STK31: variants seen among roughly 807,000 people sequenced by gnomAD.
The protein encoded by STK31 is serine/threonine-protein kinase 31.
Under a neutral mutation model 129.7 loss-of-function variants are expected in STK31, and 89 were observed. The ratio of observed to expected loss-of-function variants is 0.69; its 90% CI spans 0.58 to 0.82. The LOEUF (loss-of-function observed/expected upper bound fraction) is 0.82. Ranked by LOEUF, STK31 falls within the 40% of genes least tolerant of loss-of-function variation. The pLI is 0.00. For missense variants in STK31, 1,187 were observed against 1,176.4 expected (o/e 1.01, Z -0.13); for synonymous variants, 448 against 395.3 (o/e 1.13, Z -1.58).
chr7:23,765,495 T>G (rs1041849542), intron 11 of STK31, among the ~76,000 whole-genome samples: 1 of 151,964 alleles, frequency 6.6e-6, no homozygotes, highest in African/African-American at 2.4e-5. Flanking sequence ...ACTGTTTTAT[T>G]AAAACTTATT....
At chr7:23,825,573 A>C (rs907257395) in intron 23 of STK31, among the ~76,000 whole-genome samples, 1 of 152,008 alleles carries the variant, frequency 6.6e-6, no homozygotes, top group East Asian at 1.9e-4. Flanking sequence ...TGATTTTTTG[A>C]AGGGTTTTTT....
intron 23 of STK31, among the ~76,000 whole-genome samples, chr7:23,819,779 C>CTCTGCAGGTGG (rs70939859): frequency 0.74 from 111,636 of 151,600 alleles, 41,467 homozygotes; most frequent in African/African-American, 0.82. Flanking sequence ...ACTAAGGTGT[C>CTCTGCAGGTGG]AAATAATGGA....
intron 3 of STK31, among the ~76,000 whole-genome samples, chr7:23,714,939 C>T (rs1244645724): frequency 6.6e-6 from 1 of 152,166 alleles, no homozygotes; most frequent in East Asian, 1.9e-4. Flanking sequence ...ACTTTATTTA[C>T]TAAAACAGGC....
chr7:23,810,286 G>A (rs1046981874), intron 22 of STK31, among the ~76,000 whole-genome samples: 1 of 151,766 alleles, frequency 6.6e-6, no homozygotes, highest in African/African-American at 2.4e-5. Flanking sequence ...TACCTACATT[G>A]TTGAATTTGG....
intron 23 of STK31, among the ~76,000 whole-genome samples, chr7:23,824,149 C>T (rs1793964122): frequency 6.6e-6 from 1 of 152,148 alleles, no homozygotes; most frequent in African/African-American, 2.4e-5. Context: ...TCATTGGTAG[C>T]TCGATGGGGA....
In STK31 at chr7:23,729,233, T is replaced by C; in HGVS notation, c.467T>C (p.Val156Ala). The stretch of plus-strand genomic sequence containing the variant: ...CTACACATTCCTTCTGATCAAGAAG[T>C]TACCCAGTTTGATCAGGCAAGTCAC... ...WGLHIPSDQE[V>A]TQFDQGTTFL... is the part of the protein sequence containing the mutation. The change falls in exon 6 of 24, where the codon GTT becomes GCT. Residue 156 changes from valine to alanine, a missense_variant. This residue lies in a region of STK31 where 103 missense variants were observed against 110.4 expected (regional missense o/e 0.93). Coordinates refer to ENST00000355870, the MANE Select transcript of STK31 (RefSeq NM_031414.5). The C allele has an allele frequency of 5.6e-6, 9 of 1,599,842 alleles. No homozygotes were observed. The highest frequency in any genetic ancestry group is 7.7e-6 in the Non-Finnish European group (9 of 1,176,028).
intron 12 of STK31, 103 bp from the exon 13 acceptor site, chr7:23,769,537 C>T: frequency 2.7e-6 from 2 of 747,206 alleles, no homozygotes; most frequent in Non-Finnish European, 4.2e-6. Context: ...AGTTCTTTTA[C>T]ATTGCCCAGG....
chr7:23,751,388 A>AT (rs1470225524), intron 8 of STK31, among the ~76,000 whole-genome samples: 13 of 152,098 alleles, frequency 8.5e-5, no homozygotes, highest in Non-Finnish European at 1.9e-4. Flanking sequence ...ATATTTTGTT[A>AT]CTGATTTCTA....
rs1188278765 is a variant in STK31, at chr7:23,742,889, G to C, written c.1017+5811G>C. Among the ~76,000 whole-genome samples, 9 of 151,584 alleles carry C rather than the reference G, an allele frequency of 5.9e-5. No homozygotes were observed. In the East Asian group the frequency reaches 1.7e-3, roughly 29 times the overall value. On this transcript the variant is annotated intron_variant, in intron 8 of 23. Transcript: ENST00000355870. ...CATTGTGGTTTGGTGTGTTTCTGTA[G>C]TGGGAACATTTGATTCCTTTCTTGT...
chr7:23,714,262 T>C (rs1458244061), intron 3 of STK31, among the ~76,000 whole-genome samples: 1 of 152,248 alleles, frequency 6.6e-6, no homozygotes, highest in African/African-American at 2.4e-5. Context: ...GCATATTCTC[T>C]AAAGGTTGCT....
chr7:23,781,102 A>C lies in STK31; in HGVS notation c.1966-317A>C, dbSNP rs533937856. Among the ~76,000 whole-genome samples the C allele has an allele frequency of 3.9e-5, 6 of 152,338 alleles. No individual in the cohort carries two copies. The East Asian group carries it at 1.2e-3, about 29-fold the overall frequency. ...AGGTGTATTCTGGTTGCTATTATTA[A>C]CATTTCTTTTGTTCGAATGGCAGTT... is the stretch of plus-strand genomic sequence containing the variant. On this transcript the variant is annotated intron_variant, in intron 15 of 23. Coordinates refer to ENST00000355870, the MANE Select transcript of STK31 (RefSeq NM_031414.5).
At chr7:23,712,067 T>G in intron 1 of STK31, 32 bp from the exon 2 acceptor site, 3 of 1,534,916 alleles carry the variant, frequency 2.0e-6, no homozygotes, top group Non-Finnish European at 2.7e-6. Context: ...TAATGGTGGA[T>G]TATTGTAATC....
intron 22 of STK31, among the ~76,000 whole-genome samples, chr7:23,805,289 T>C (rs1792632125): frequency 6.6e-6 from 1 of 152,172 alleles, no homozygotes; most frequent in African/African-American, 2.4e-5. Flanking sequence ...TTGCTCAGGC[T>C]GGTCTCGAAC....
chr7:23,826,251 C>G (rs1234219506), intron 23 of STK31, among the ~76,000 whole-genome samples: 2 of 152,102 alleles, frequency 1.3e-5, no homozygotes, highest in Non-Finnish European at 2.9e-5. Context: ...TTGTAGGTCA[C>G]TCAGGACTTG....
intron 15 of STK31, among the ~76,000 whole-genome samples, chr7:23,774,628 TG>T (rs1419052658): frequency 3.3e-5 from 5 of 152,190 alleles, no homozygotes; most frequent in East Asian, 1.9e-4. Context: ...TTGATGGGAT[TG>T]TTTTTTTCTT....
At chr7:23,769,274 C>T in intron 12 of STK31, 100 bp downstream of exon 12, 1 of 1,142,024 alleles carries the variant, frequency 8.8e-7, no homozygotes, top group Non-Finnish European at 1.2e-6. Context: ...CATCTACCTA[C>T]TATGTATCAG....
At chr7:23,724,018 T>A (rs539051769) in intron 4 of STK31, among the ~76,000 whole-genome samples, 1 of 152,284 alleles carries the variant, frequency 6.6e-6, no homozygotes, top group African/African-American at 2.4e-5. Flanking sequence ...GGAACTCAAA[T>A]GCAGTAATTC....
chr7:23,795,218 A>G (rs59295056), intron 22 of STK31, among the ~76,000 whole-genome samples: 36,242 of 152,148 alleles, frequency 0.24, 4,931 homozygotes, highest in East Asian at 0.39. Context: ...GCCTTCAGAC[A>G]TGGTGCCCTG....
chr7:23,831,561 T>TAC (rs1327110674), intron 23 of STK31, among the ~76,000 whole-genome samples: 1 of 152,226 alleles, frequency 6.6e-6, no homozygotes, highest in Non-Finnish European at 1.5e-5. Context: ...TTAACTGGTT[T>TAC]ACATTCAAGG....
Sources: gnomAD v4.1 joint callset for allele counts (sites outside exome capture counted in the v4.1 genomes callset) on GRCh38, gnomAD v4.1.1 for gene constraint, gnomAD v4.1.1 regional missense constraint, MANE v1.5 for transcripts, NCBI Gene and HGNC (gene_info 2026-07-23, HGNC 2026-07-21) for gene names.